SYT1: variants seen among roughly 807,000 people sequenced by gnomAD.
SYT1 encodes synaptotagmin-1.
A neutral mutation model predicts 44.8 loss-of-function variants in SYT1; 8 were observed. The observed-to-expected ratio is 0.18, with a 90% CI of 0.10 to 0.32. SYT1 has a LOEUF of 0.32. Among genes scored for constraint, SYT1 ranks in the 10% least tolerant of loss-of-function variants. The pLI is 1.00. For missense variants in SYT1, 286 were observed against 509.3 expected (o/e 0.56, Z 4.22); for synonymous variants, 154 against 188.8 (o/e 0.82, Z 1.51).
chr12:79,065,462 G>T (rs1875773650), intron 3 of SYT1, among the ~76,000 whole-genome samples: 1 of 152,124 alleles, frequency 6.6e-6, no homozygotes, highest in Admixed American at 6.6e-5. Flanking sequence ...ATGCTTTCTT[G>T]TCTGCTTATC....
At chr12:79,248,264 A>C (rs1307149393) in intron 4 of SYT1, among the ~76,000 whole-genome samples, 1 of 152,180 alleles carries the variant, frequency 6.6e-6, no homozygotes, top group Non-Finnish European at 1.5e-5. Flanking sequence ...GATGAATGAG[A>C]TGGATAAAGG....
At chr12:79,027,583 TG>T (rs1777373327) in intron 2 of SYT1, among the ~76,000 whole-genome samples, 1 of 151,462 alleles carries the variant, frequency 6.6e-6, no homozygotes, top group African/African-American at 2.4e-5. Context: ...ATAAATGCAT[TG>T]GGCAGGTTGA....
chr12:79,090,049 T>C (rs182393609), intron 3 of SYT1, among the ~76,000 whole-genome samples: 34 of 152,134 alleles, frequency 2.2e-4, no homozygotes, highest in African/African-American at 7.7e-4. Context: ...GATGGAAAAA[T>C]AGCCTAAAAC....
chr12:79,318,988 A>G (rs757259306), intron 8 of SYT1, among the ~76,000 whole-genome samples: 10 of 152,230 alleles, frequency 6.6e-5, no homozygotes, highest in Non-Finnish European at 1.3e-4. Flanking sequence ...GATATAAAAT[A>G]AACATTAATA....
intron 7 of SYT1, 88 bp from the exon 8 acceptor site, chr12:79,299,296 G>T: frequency 7.0e-7 from 1 of 1,418,554 alleles, no homozygotes; most frequent in Non-Finnish European, 9.7e-7. Flanking sequence ...TTTATGCAAC[G>T]TAAATATTAA....
intron 1 of SYT1, among the ~76,000 whole-genome samples, chr12:78,887,033 A>G (rs1320886262): frequency 6.6e-6 from 1 of 152,006 alleles, no homozygotes; most frequent in African/African-American, 2.4e-5. Flanking sequence ...TCTACCTTTT[A>G]CAGTAGTCCT....
intron 3 of SYT1, among the ~76,000 whole-genome samples, chr12:79,091,229 AT>A (rs1234234717): frequency 6.6e-6 from 1 of 151,942 alleles, no homozygotes. Flanking sequence ...ACTGTGGAAA[AT>A]TTGCTTTAGA....
At position 79,350,564 on chromosome 12, in the gene SYT1, A is replaced by G. The variant is rs1419610027; in HGVS notation, c.811-2938A>G. ...ACCGCGCCCGGCCCTCAGGATGCAT[A>G]TTCTTGCTCTTGTTTCACATAAACT... On this transcript the variant is annotated intron_variant, in intron 8 of 10. Transcript: ENST00000261205. Among the ~76,000 whole-genome samples, 12 of 152,146 alleles carry G rather than the reference A, an allele frequency of 7.9e-5. No homozygotes were observed. The East Asian group carries it at 2.3e-3, about 30-fold the overall frequency.
intron 9 of SYT1, among the ~76,000 whole-genome samples, chr12:79,438,704 A>C (rs1870233058): frequency 6.6e-6 from 1 of 152,030 alleles, no homozygotes; most frequent in Admixed American, 6.6e-5. Context: ...ATAGCTAGTG[A>C]GACCAAAGTA....
At chr12:79,152,068 G>A (rs1870308584) in intron 3 of SYT1, among the ~76,000 whole-genome samples, 1 of 152,082 alleles carries the variant, frequency 6.6e-6, no homozygotes, top group African/African-American at 2.4e-5. Context: ...AGAAGTGAGA[G>A]GAGAAATTTT....
chr12:79,392,147 A>G (rs1369440977), intron 9 of SYT1: 2 of 152,192 alleles, frequency 1.3e-5, no homozygotes, highest in Non-Finnish European at 2.9e-5. Flanking sequence ...AATGACCACC[A>G]CATTTCAATA....
At chr12:79,079,687 T>C (rs1876895486) in intron 3 of SYT1, among the ~76,000 whole-genome samples, 1 of 152,134 alleles carries the variant, frequency 6.6e-6, no homozygotes, top group African/African-American at 2.4e-5. Context: ...ACATGCACGT[T>C]ATGTTATGAA....
intron 2 of SYT1, among the ~76,000 whole-genome samples, chr12:79,014,143 AAAAAAAAAAAG>A (rs1456150558): frequency 6.7e-6 from 1 of 148,448 alleles, no homozygotes; most frequent in Non-Finnish European, 1.5e-5. Flanking sequence ...AAAAAAGAAA[AAAAAAAAAAAG>A]AAAGAAAAAG....
At chr12:78,922,049 T>C (rs886836955) in intron 1 of SYT1, among the ~76,000 whole-genome samples, 2 of 151,920 alleles carry the variant, frequency 1.3e-5, no homozygotes, top group African/African-American at 4.8e-5. Flanking sequence ...TTATCTTGCA[T>C]CAAAAAGTTA....
chr12:79,221,370 T>C (rs929258488), intron 4 of SYT1, among the ~76,000 whole-genome samples: 12 of 152,172 alleles, frequency 7.9e-5, no homozygotes, highest in African/African-American at 2.9e-4. Flanking sequence ...AGTCATTCTA[T>C]GCCTTTTGAT....
At chr12:78,974,398 A>G (rs1051646905) in intron 1 of SYT1, among the ~76,000 whole-genome samples, 1 of 151,888 alleles carries the variant, frequency 6.6e-6, no homozygotes, top group Non-Finnish European at 1.5e-5. Flanking sequence ...ACTAAACATC[A>G]GGTCTTCCGA....
chr12:79,150,967 T>C (rs1301737422), intron 3 of SYT1, among the ~76,000 whole-genome samples: 2 of 151,898 alleles, frequency 1.3e-5, no homozygotes, highest in Admixed American at 1.3e-4. Flanking sequence ...GAGCATGATT[T>C]TGAGGACAAG....
intron 9 of SYT1, among the ~76,000 whole-genome samples, chr12:79,373,235 C>T (rs955134476): frequency 6.6e-5 from 10 of 152,070 alleles, no homozygotes; most frequent in Admixed American, 1.3e-4. Flanking sequence ...TAGGTTTGTC[C>T]GATGAGATCA....
At chr12:78,993,010 G>C (rs1329135681) in intron 2 of SYT1, among the ~76,000 whole-genome samples, 1 of 152,104 alleles carries the variant, frequency 6.6e-6, no homozygotes, top group East Asian at 1.9e-4. Flanking sequence ...TTTTACACTT[G>C]CTCTTTGGCA....
Sources: gnomAD v4.1 joint callset for allele counts (sites outside exome capture counted in the v4.1 genomes callset) on GRCh38, gnomAD v4.1.1 for gene constraint, MANE v1.5 for transcripts, NCBI Gene and HGNC (gene_info 2026-07-23, HGNC 2026-07-21) for gene names.